Variants in BCAR3 observed in about 807,000 individuals in gnomAD.
The protein encoded by BCAR3 is BCAR3 adaptor protein, NSP family member.
In BCAR3, 37 loss-of-function variants were observed where a neutral mutation model predicts 80.1. That is an observed-to-expected ratio of 0.46 (90% CI 0.36 to 0.61). The LOEUF is 0.61. Ranked by LOEUF, BCAR3 falls within the 20% of genes least tolerant of loss-of-function variation. The probability of loss-of-function intolerance (pLI) is 0.00; values close to 1 mark genes in which losing one functional copy is unlikely to be tolerated. For synonymous variants in BCAR3, 389 were observed against 418.9 expected (o/e 0.93, Z 0.87); for missense variants, 978 against 1,068.2 (o/e 0.92, Z 1.18).
At chr1:93,636,552 G>GAAAA (rs537240776) in intron 3 of BCAR3, among the ~76,000 whole-genome samples, 11 of 137,730 alleles carry the variant, frequency 8.0e-5, no homozygotes, top group African/African-American at 2.9e-4. Flanking sequence ...TGGCTAATTT[G>GAAAA]AAAAAAAAAA....
Position 93,649,390 on chromosome 1 carries a change from C to T in BCAR3, c.318-7047G>A, listed in dbSNP as rs192048702. ...TGCTGCCCCAGAAACCACCCACACA[C>T]AGCACCTGGCTTGGCCAACTCTGGT... On this transcript the variant is annotated intron_variant, in intron 2 of 11. Transcript: ENST00000260502. Among the ~76,000 whole-genome samples, 934 of 152,348 alleles carry T rather than the reference C, an allele frequency of 6.1e-3. 5 individuals are homozygous for T. The highest frequency in any genetic ancestry group is 9.2e-3 in the Non-Finnish European group (623 of 68,028).
At chr1:93,736,920 A>G (rs1339244519) in intron 2 of BCAR3, among the ~76,000 whole-genome samples, 6 of 152,234 alleles carry the variant, frequency 3.9e-5, no homozygotes, top group Non-Finnish European at 8.8e-5. Context: ...TCTACGGTCC[A>G]TCTGCATCAG....
At chr1:93,613,071 A>G (rs1675002487) in intron 3 of BCAR3, among the ~76,000 whole-genome samples, 1 of 152,230 alleles carries the variant, frequency 6.6e-6, no homozygotes, top group Admixed American at 6.5e-5. Flanking sequence ...CAGGGTGGGA[A>G]GGATTCCTTG....
Position 93,589,128 on chromosome 1 carries a change from G to A in BCAR3, c.778C>T (p.Arg260Trp), listed in dbSNP as rs775455387. The A allele has an allele frequency of 2.0e-5, 32 of 1,613,046 alleles. No homozygotes were observed. In the East Asian group the frequency reaches 3.6e-4, roughly 18 times the overall value. ...GTGCCATAATGCTCCTCCAGGCACC[G>A]CAGAGGCACCGTCCTGTTGATGGGC... ...FQPINRTVPLRCLEEHYGTSP... is the reference protein window; with the variant it reads ...FQPINRTVPLWCLEEHYGTSP... The change falls in exon 5 of 12, where the codon CGG (arginine) becomes TGG (tryptophan). Residue 260 changes from arginine to tryptophan, a missense_variant. Arg to Trp is a moderately radical substitution (Grantham distance 101). Transcript: ENST00000260502.
intron 2 of BCAR3, among the ~76,000 whole-genome samples, chr1:93,670,040 C>T (rs1365546745): frequency 3.9e-5 from 6 of 152,140 alleles, no homozygotes; most frequent in Non-Finnish European, 5.9e-5. Context: ...CACTGAAGAA[C>T]TCACTCATGT....
At chr1:93,803,174 C>T (rs1189084352) in intron 2 of BCAR3, among the ~76,000 whole-genome samples, 1 of 152,070 alleles carries the variant, frequency 6.6e-6, no homozygotes, top group East Asian at 1.9e-4. Context: ...TCCTGCAATA[C>T]CTCCACAAGA....
At chr1:93,596,370 C>T (rs1674419695) in intron 3 of BCAR3, among the ~76,000 whole-genome samples, 1 of 152,196 alleles carries the variant, frequency 6.6e-6, no homozygotes, top group African/African-American at 2.4e-5. Flanking sequence ...ACCCCAGTTC[C>T]CATAGCCTTT....
chr1:93,810,899 G>A (rs980424935), intron 2 of BCAR3, among the ~76,000 whole-genome samples: 5 of 152,168 alleles, frequency 3.3e-5, no homozygotes, highest in African/African-American at 1.2e-4. Flanking sequence ...GAGAAACCAA[G>A]ACCCAGAGAG....
At chr1:93,774,713 A>G (rs540877508) in intron 2 of BCAR3, among the ~76,000 whole-genome samples, 2 of 152,298 alleles carry the variant, frequency 1.3e-5, no homozygotes, top group East Asian at 1.9e-4. Flanking sequence ...TAAGCAGTCA[A>G]TGAGGGAATA....
At chr1:93,751,194 G>A (rs1651545840) in intron 2 of BCAR3, among the ~76,000 whole-genome samples, 1 of 152,116 alleles carries the variant, frequency 6.6e-6, no homozygotes, top group African/African-American at 2.4e-5. Context: ...AGTTCCATGG[G>A]GAGGAAGTGG....
intron 2 of BCAR3, among the ~76,000 whole-genome samples, chr1:93,666,291 G>A (rs1236068060): frequency 1.3e-5 from 2 of 152,206 alleles, no homozygotes; most frequent in Non-Finnish European, 2.9e-5. Flanking sequence ...TTAAAAAATA[G>A]CTGAAGTTAA....
At chr1:93,664,941 T>G (rs1311168974) in intron 2 of BCAR3, among the ~76,000 whole-genome samples, 2 of 134,098 alleles carry the variant, frequency 1.5e-5, no homozygotes, top group Non-Finnish European at 3.2e-5. Context: ...CCCCCACCCA[T>G]TCCCTACCGG....
chr1:93,572,572 G>A (rs74101607), intron 8 of BCAR3, among the ~76,000 whole-genome samples: 4 of 152,228 alleles, frequency 2.6e-5, no homozygotes, highest in South Asian at 2.1e-4. Flanking sequence ...TCTTTTCTCC[G>A]CATGACAACA....
chr1:93,819,733 A>T (rs1454734715), intron 2 of BCAR3, among the ~76,000 whole-genome samples: 1 of 152,088 alleles, frequency 6.6e-6, no homozygotes, highest in Non-Finnish European at 1.5e-5. Flanking sequence ...AGATTTATTT[A>T]TATATTTCCA....
rs143592647 is a variant in BCAR3 at position 93,839,612 on chromosome 1, T to G, written c.-63+5955A>C. Among the ~76,000 whole-genome samples the G allele has an allele frequency of 2.8e-3, 428 of 152,360 alleles. 9 individuals carry two copies. In the South Asian group the frequency reaches 0.058, roughly 20 times the overall value. The stretch of plus-strand genomic sequence containing the variant: ...TTCATCTGCCTCTTTTAGATTGGAC[T>G]GAATCTACATTCTGTTAGACACCAT... On this transcript the variant is annotated intron_variant, in intron 2 of 13. Coordinates refer to the BCAR3 transcript ENST00000370244.
At chr1:93,710,036 C>G (rs1649965979) in intron 2 of BCAR3, among the ~76,000 whole-genome samples, 1 of 152,128 alleles carries the variant, frequency 6.6e-6, no homozygotes, top group Non-Finnish European at 1.5e-5. Context: ...GATTCTTTGT[C>G]ACTTAGAGAA....
chr1:93,688,032 G>A (rs572497678), intron 3 of BCAR3, among the ~76,000 whole-genome samples: 5 of 152,292 alleles, frequency 3.3e-5, no homozygotes, highest in South Asian at 2.1e-4. Context: ...GGACCAGAAA[G>A]GCAAAATTCT....
At chr1:93,734,868 C>T in intron 2 of BCAR3, among the ~76,000 whole-genome samples, 1 of 152,194 alleles carries the variant, frequency 6.6e-6, no homozygotes, top group East Asian at 1.9e-4. Flanking sequence ...CTCCTACTCA[C>T]CCTTCAGTTA....
chr1:93,642,174 C>G, intron 3 of BCAR3, 130 bp downstream of exon 3: 1 of 1,037,310 alleles, frequency 9.6e-7, no homozygotes, highest in Non-Finnish European at 1.5e-6. Context: ...AAATTTCCTC[C>G]CTGTTGTTTT....
Sources: gnomAD v4.1 joint callset for allele counts (sites outside exome capture counted in the v4.1 genomes callset) on GRCh38, gnomAD v4.1.1 for gene constraint, MANE v1.5 for transcripts, NCBI Gene and HGNC (gene_info 2026-07-23, HGNC 2026-07-21) for gene names.